The following CLPB variants were observed in gnomAD, a reference collection of about 807,000 sequenced individuals.
The protein encoded by CLPB is ClpB family mitochondrial disaggregase.
CLPB carries 40 observed loss-of-function variants against 78.4 expected under a neutral mutation model. That is an observed-to-expected ratio of 0.51 (90% CI 0.40 to 0.66). CLPB has a LOEUF of 0.66. CLPB is among the 30% of genes least tolerant of loss of function. The pLI is 0.00. For synonymous variants in CLPB, 333 were observed against 348.0 expected (o/e 0.96, Z 0.48); for missense variants, 780 against 886.9 (o/e 0.88, Z 1.53).
chr11:72,325,457 C>T (rs1042354741), intron 6 of CLPB, among the ~76,000 whole-genome samples: 2 of 152,202 alleles, frequency 1.3e-5, no homozygotes, highest in African/African-American at 2.4e-5. Context: ...TGGGCCTCAT[C>T]ACCTCTGGAT....
intron 2 of CLPB, among the ~76,000 whole-genome samples, chr11:72,424,479 G>A (rs967320437): frequency 6.6e-6 from 1 of 152,160 alleles, no homozygotes; most frequent in Non-Finnish European, 1.5e-5. Context: ...TGCCTCTTCT[G>A]CGTGGTGGCT....
intron 1 of CLPB, among the ~76,000 whole-genome samples, chr11:72,431,067 G>C (rs139921296): frequency 4.9e-4 from 74 of 152,326 alleles, no homozygotes; most frequent in African/African-American, 1.8e-3. Flanking sequence ...CCAGGGAAGG[G>C]AGACCCAAAG....
intron 2 of CLPB, among the ~76,000 whole-genome samples, chr11:72,408,806 G>A (rs553599380): frequency 3.4e-4 from 52 of 152,258 alleles, no homozygotes; most frequent in African/African-American, 6.3e-4. Flanking sequence ...TACAAACCAG[G>A]TCTCCTGCAT....
chr11:72,338,055 G>A (rs1950353283), intron 5 of CLPB, among the ~76,000 whole-genome samples: 1 of 152,204 alleles, frequency 6.6e-6, no homozygotes, highest in Admixed American at 6.5e-5. Context: ...GAGTTTTAAT[G>A]GAATGGATCC....
At position 72,293,272 on chromosome 11, in the gene CLPB, G is replaced by A; in HGVS notation, c.*95C>T. On this transcript the variant is annotated 3_prime_UTR_variant, in exon 16 of 16. Transcript: ENST00000538039. ...AGCAGGCCTGAGACTGGGTAGAGAT[G>A]GGAGCGGCATGAGGGGAAGGTAAGT... The A allele has an allele frequency of 6.8e-7, 1 of 1,467,400 alleles. No homozygotes were observed. Among genetic ancestry groups the A allele is most frequent in the Non-Finnish European group, 9.3e-7 (1 of 1,070,638 alleles). 90.9% of individuals were successfully genotyped at this position (1,467,400 alleles called of 1,614,324 possible). A position where few individuals can be genotyped will look rare whatever the true frequency, so the allele number is the denominator to read the frequency against.
At chr11:72,391,710 T>C (rs1475397369) in intron 3 of CLPB, among the ~76,000 whole-genome samples, 2 of 152,226 alleles carry the variant, frequency 1.3e-5, no homozygotes. Flanking sequence ...TCCTGAACAG[T>C]AGCTCCTTCC....
At chr11:72,359,211 A>T (rs545041082) in intron 4 of CLPB, 1 of 723,296 alleles carries the variant, frequency 1.4e-6, no homozygotes, top group Admixed American at 2.0e-5. Context: ...GTTTACTGAC[A>T]TCTGTTATGT....
intron 8 of CLPB, 137 bp from the exon 9 acceptor site, chr11:72,307,391 G>A (rs1460027846): frequency 8.1e-6 from 6 of 742,480 alleles, no homozygotes; most frequent in Admixed American, 2.3e-5. Flanking sequence ...AAGGATCAGC[G>A]ACTCTCCCAC....
chr11:72,386,093 A>G (rs925732848), intron 3 of CLPB, among the ~76,000 whole-genome samples: 4 of 152,234 alleles, frequency 2.6e-5, no homozygotes, highest in Admixed American at 6.5e-5. Context: ...CTAGCAAAGT[A>G]TGCTGTATGA....
rs377401155 is a variant in CLPB, at chr11:72,329,750, C to T, written c.830G>A (p.Arg277Gln). The T allele has an allele frequency of 5.0e-6, 8 of 1,613,928 alleles. No homozygotes were observed. The highest frequency in any genetic ancestry group is 3.3e-4 in the Middle Eastern group (2 of 6,080). Reference protein sequence around the residue: ...EMGHTPLDYAREGEVMKLLRT... With the variant: ...EMGHTPLDYAQEGEVMKLLRT... ...CAGAAGCTTCATCACTTCCCCTTCT[C>T]GGGCATAATCCAAGGGTGTGTGTCC... The change falls in exon 6 of 16, where the codon CGA (arginine) becomes CAA (glutamine). Residue 277 changes from arginine (R) to glutamine (Q), a missense_variant. Transcript: ENST00000538039.
chr11:72,419,639 T>C (rs947794314), intron 2 of CLPB, among the ~76,000 whole-genome samples: 5 of 152,342 alleles, frequency 3.3e-5, no homozygotes, highest in East Asian at 3.9e-4. Flanking sequence ...CTGGCCTTGC[T>C]TCCTCCTCAT....
At chr11:72,333,734 T>C (rs1590808019) in intron 5 of CLPB, among the ~76,000 whole-genome samples, 1 of 152,134 alleles carries the variant, frequency 6.6e-6, no homozygotes, top group South Asian at 2.1e-4. Flanking sequence ...CAGGGACTTG[T>C]TCGCCTAGCC....
chr11:72,342,098 C>A (rs1950430659), intron 5 of CLPB, among the ~76,000 whole-genome samples: 1 of 152,256 alleles, frequency 6.6e-6, no homozygotes, highest in Admixed American at 6.5e-5. Context: ...GACCAGTAGA[C>A]AACCATACTA....
At chr11:72,343,987 G>A (rs1377535037) in intron 5 of CLPB, among the ~76,000 whole-genome samples, 1 of 152,110 alleles carries the variant, frequency 6.6e-6, no homozygotes, top group East Asian at 1.9e-4. Flanking sequence ...CTGTTTGTCA[G>A]GAGAGGCCTC....
At chr11:72,329,632 T>G in intron 6 of CLPB, 75 bp downstream of exon 6, 2 of 958,264 alleles carry the variant, frequency 2.1e-6, no homozygotes, top group Non-Finnish European at 3.3e-6. Flanking sequence ...GTGTAAAGCC[T>G]GACATAATTT....
rs1464583884 is a variant in CLPB, at chr11:72,297,702, T to TGTGTGTGTGTGTGTGA, written c.1330-2055_1330-2054insTCACACACACACACAC. On this transcript the variant is annotated intron_variant, in intron 11 of 15. Transcript: ENST00000538039. ...GTGTGTGTGTGTGTGTGTGTGTGTG[T>TGTGTGTGTGTGTGTGA]GACATGTCCAAGCATGTGCATATGA... Among the ~76,000 whole-genome samples the TGTGTGTGTGTGTGTGA allele has an allele frequency of 2.1e-4, 27 of 129,754 alleles. 2 individuals carry two copies. Among genetic ancestry groups the TGTGTGTGTGTGTGTGA allele is most frequent in the Non-Finnish European group, 2.5e-4 (15 of 59,082 alleles). 85.1% of individuals were successfully genotyped at this position (129,754 alleles called of 152,430 possible). A position where few individuals can be genotyped will look rare whatever the true frequency, so the allele number is the denominator to read the frequency against.
intron 2 of CLPB, chr11:72,412,145 C>G (rs930289553): frequency 6.6e-6 from 1 of 152,334 alleles, no homozygotes. Flanking sequence ...GGACAGCAGA[C>G]TTCAGGCAGG....
chr11:72,363,704 T>G (rs1241793319), intron 4 of CLPB: 4 of 152,362 alleles, frequency 2.6e-5, no homozygotes, highest in African/African-American at 9.6e-5. Flanking sequence ...TTAGGTGGCC[T>G]GCTCAACTTG....
chr11:72,420,571 C>CA (rs1856164740), intron 2 of CLPB, among the ~76,000 whole-genome samples: 1 of 152,080 alleles, frequency 6.6e-6, no homozygotes, highest in South Asian at 2.1e-4. Context: ...ATGAACAACA[C>CA]AGCAATGGTC....
Sources: allele counts gnomAD v4.1 joint callset (sites outside exome capture counted in the v4.1 genomes callset), GRCh38; gene constraint gnomAD v4.1.1; transcripts MANE v1.5; gene names NCBI Gene and HGNC (gene_info 2026-07-23, HGNC 2026-07-21).